Variants in CDH9 observed in about 807,000 individuals in gnomAD.
CDH9 encodes cadherin 9.
In CDH9, 28 loss-of-function variants were observed where a neutral mutation model predicts 70.9. The observed-to-expected ratio is 0.40, with a 90% CI of 0.29 to 0.54. The LOEUF is 0.54. Ranked by LOEUF, CDH9 falls within the 20% of genes least tolerant of loss-of-function variation. The probability of loss-of-function intolerance (pLI) is 0.59; values close to 1 mark genes in which losing one functional copy is unlikely to be tolerated. For synonymous variants in CDH9, 409 were observed against 343.1 expected, an observed-to-expected ratio of 1.19 and a Z score of -2.12; for missense variants, 874 against 984.4, an observed-to-expected ratio of 0.89 and a Z score of 1.50.
intron 2 of CDH9, among the ~76,000 whole-genome samples, chr5:26,971,237 A>T (rs1742214209): frequency 6.6e-6 from 1 of 152,184 alleles, no homozygotes; most frequent in South Asian, 2.1e-4. Flanking sequence ...ACGCATTACC[A>T]GGAGTGAAAT....
intron 2 of CDH9, among the ~76,000 whole-genome samples, chr5:26,933,481 TAA>T (rs983948114): frequency 6.9e-6 from 1 of 145,358 alleles, no homozygotes; most frequent in South Asian, 2.2e-4. Context: ...CCAGGCTAAC[TAA>T]AAAAAAAAGA....
rs532851238 is a variant in CDH9 at position 26,917,172 on chromosome 5, AT to A, written c.229-1249del. Among the ~76,000 whole-genome samples, 606 of 152,142 alleles carry A rather than the reference AT, an allele frequency of 4.0e-3. 1 individual carries two copies. Among genetic ancestry groups the A allele is most frequent in the African/African-American group, 0.014 (573 of 41,580 alleles). On this transcript the variant is annotated intron_variant, in intron 2 of 11. Coordinates refer to ENST00000231021, the MANE Select transcript of CDH9 (RefSeq NM_016279.4). ...TTTATCATAAAATTATGACTACAGT[AT>A]ATTTTGATATATGCTTACATTATAA...
At chr5:26,932,127 CA>C (rs1741474223) in intron 2 of CDH9, among the ~76,000 whole-genome samples, 1 of 28,924 alleles carries the variant, frequency 3.5e-5, no homozygotes, top group African/African-American at 5.2e-5. Context: ...ATTTGAATAT[CA>C]TTTTTTTATT....
intron 1 of CDH9, among the ~76,000 whole-genome samples, chr5:26,998,322 G>T (rs1579503543): frequency 6.6e-6 from 1 of 152,154 alleles, no homozygotes; most frequent in African/African-American, 2.4e-5. Flanking sequence ...AAGACTTGGA[G>T]CCAACCCAAA....
chr5:26,986,696 C>T (rs1742493473), intron 2 of CDH9, among the ~76,000 whole-genome samples: 1 of 152,030 alleles, frequency 6.6e-6, no homozygotes, highest in Non-Finnish European at 1.5e-5. Context: ...TTATACACTT[C>T]CTTGGAGAAT....
intron 5 of CDH9, 106 bp from the exon 6 acceptor site, chr5:26,903,930 T>G: frequency 1.6e-6 from 1 of 613,592 alleles, no homozygotes; most frequent in African/African-American, 2.0e-5. Flanking sequence ...AGGGAGAGTT[T>G]TTATCATATT....
chr5:26,914,615 GT>G (rs1741116857), intron 3 of CDH9, among the ~76,000 whole-genome samples: 4 of 151,914 alleles, frequency 2.6e-5, no homozygotes, highest in African/African-American at 9.7e-5. Context: ...GAATAAATAC[GT>G]TTTTAAAAAT....
intron 2 of CDH9, among the ~76,000 whole-genome samples, chr5:26,932,086 G>A (rs1431223618): frequency 6.6e-6 from 1 of 151,798 alleles, no homozygotes; most frequent in Non-Finnish European, 1.5e-5. Flanking sequence ...TAACATCAGT[G>A]ATTATTTAGA....
chr5:26,940,878 T>C (rs1366808793), intron 2 of CDH9, among the ~76,000 whole-genome samples: 1 of 152,236 alleles, frequency 6.6e-6, no homozygotes, highest in African/African-American at 2.4e-5. Context: ...GTAAAACTAA[T>C]TCAGAAACAT....
intron 7 of CDH9, among the ~76,000 whole-genome samples, chr5:26,894,896 T>C (rs958339546): frequency 6.6e-6 from 1 of 152,096 alleles, no homozygotes; most frequent in African/African-American, 2.4e-5. Flanking sequence ...TCAAATAACA[T>C]GTGAAAGAGA....
chr5:26,952,458 C>CAA (rs766973787), intron 2 of CDH9, among the ~76,000 whole-genome samples: 181 of 9,964 alleles, frequency 0.018, 27 homozygotes, highest in Non-Finnish European at 0.034. Flanking sequence ...ACTAAAAATA[C>CAA]AAAAAAAAAA....
chr5:26,923,016 A>G (rs1741271422), intron 2 of CDH9, among the ~76,000 whole-genome samples: 1 of 150,228 alleles, frequency 6.7e-6, no homozygotes, highest in Non-Finnish European at 1.5e-5. Context: ...TAATAACAAT[A>G]GATGTAAATG....
chr5:27,027,391 A>G (rs1289772566), intron 1 of CDH9, among the ~76,000 whole-genome samples: 1 of 152,054 alleles, frequency 6.6e-6, no homozygotes, highest in East Asian at 1.9e-4. Context: ...CTACTTTTGT[A>G]TATGGTGGGT....
chr5:26,966,913 A>G (rs1742138701), intron 2 of CDH9, among the ~76,000 whole-genome samples: 1 of 151,914 alleles, frequency 6.6e-6, no homozygotes, highest in South Asian at 2.1e-4. Context: ...TCTGCTTTAA[A>G]AAATGTTTTT....
chr5:26,902,119 C>T (rs1481587552), intron 7 of CDH9, among the ~76,000 whole-genome samples: 1 of 151,914 alleles, frequency 6.6e-6, no homozygotes, highest in South Asian at 2.1e-4. Flanking sequence ...TTGACTCTGG[C>T]ATTAAACTGC....
chr5:26,922,173 AAAT>A (rs144654033), intron 2 of CDH9, among the ~76,000 whole-genome samples: 32,903 of 151,782 alleles, frequency 0.22, 3,725 homozygotes, highest in South Asian at 0.37. Flanking sequence ...TTATTCAAAG[AAAT>A]AATAACAGAG....
At chr5:26,906,218 A>G in intron 4 of CDH9, 92 bp from the exon 5 acceptor site, 1 of 1,008,592 alleles carries the variant, frequency 9.9e-7, no homozygotes, top group Non-Finnish European at 1.5e-6. Flanking sequence ...GTTGATTATA[A>G]CAAACATAAA....
intron 2 of CDH9, among the ~76,000 whole-genome samples, chr5:26,962,906 T>C (rs554889067): frequency 8.5e-5 from 13 of 152,192 alleles, no homozygotes; most frequent in Non-Finnish European, 1.6e-4. Flanking sequence ...AATTAGTTTA[T>C]CAATTTTTAA....
intron 2 of CDH9, among the ~76,000 whole-genome samples, chr5:26,963,355 G>C (rs13185067): frequency 0.061 from 9,243 of 152,166 alleles, 386 homozygotes; most frequent in Non-Finnish European, 0.091. Flanking sequence ...TTGATTTTGT[G>C]TAAGTCAATT....
Sources: allele counts gnomAD v4.1 joint callset (sites outside exome capture counted in the v4.1 genomes callset), GRCh38; gene constraint gnomAD v4.1.1; transcripts MANE v1.5; gene names NCBI Gene and HGNC (gene_info 2026-07-23, HGNC 2026-07-21).